The following KCTD12 variants were observed in gnomAD, a reference collection of about 807,000 sequenced individuals.
KCTD12 encodes BTB/POZ domain-containing protein KCTD12.
In KCTD12, 16 loss-of-function variants were observed where a neutral mutation model predicts 22.6. The ratio of observed to expected loss-of-function variants is 0.71; its 90% CI spans 0.48 to 1.07. The LOEUF (loss-of-function observed/expected upper bound fraction) is 1.07. Among genes scored for constraint, KCTD12 ranks in the 50% least tolerant of loss-of-function variants. The pLI, the probability that KCTD12 is intolerant of heterozygous loss-of-function variation, is 0.00. For synonymous variants in KCTD12, 260 were observed against 228.0 expected, an observed-to-expected ratio of 1.14 and a Z score of -1.26; for missense variants, 452 against 469.2, an observed-to-expected ratio of 0.96 and a Z score of 0.34.
chr13:76,884,925 G>C lies in KCTD12; in HGVS notation c.*246C>G, dbSNP rs1490424725. The C allele has an allele frequency of 4.0e-6, 2 of 501,868 alleles. No individual in the cohort carries two copies. The highest frequency in any genetic ancestry group is 7.1e-6 in the Non-Finnish European group (2 of 279,982). The allele number at this position is 501,868 out of a possible 1,614,324, so 31.1% of individuals were successfully genotyped here. A position where few individuals can be genotyped will look rare whatever the true frequency, so the allele number is the denominator to read the frequency against. ...AAAGCATGGAGTGGTAGGTGGGGGTGGGGTGGGGGTTCCTCTGGGTTCTCT... is the reference window on the plus strand; with the variant it reads ...AAAGCATGGAGTGGTAGGTGGGGGTCGGGTGGGGGTTCCTCTGGGTTCTCT... On this transcript the variant is annotated 3_prime_UTR_variant, in exon 1 of 1. Transcript: ENST00000377474.
chr13:76,883,268 A>G lies in KCTD12; in HGVS notation c.*1903T>C, dbSNP rs1190316463. 1 of 152,246 alleles carries G rather than the reference A, an allele frequency of 6.6e-6. No individual in the cohort carries two copies. Among genetic ancestry groups the G allele is most frequent in the South Asian group, 2.1e-4 (1 of 4,836 alleles). 9.4% of individuals were successfully genotyped at this position (152,246 alleles called of 1,614,324 possible). ...CATCTGTATGGACATAGTAAGATAC[A>G]GTACGAGATTCATTTTTAAAAACAA... On this transcript the variant is annotated 3_prime_UTR_variant, in exon 1 of 1. Coordinates refer to ENST00000377474, the MANE Select transcript of KCTD12 (RefSeq NM_138444.4).
chr13:76,881,858 C>A lies in KCTD12; in HGVS notation c.*3313G>T, dbSNP rs1373527539. 1 of 150,284 alleles carries A rather than the reference C, an allele frequency of 6.7e-6. No homozygotes were observed. Among genetic ancestry groups the A allele is most frequent in the Non-Finnish European group, 1.5e-5 (1 of 67,670 alleles). 9.3% of individuals were successfully genotyped at this position (150,284 alleles called of 1,614,324 possible). ...CCTGTTTTTTTTTTTTTTTTAACCACCATTGTCTACACCTTTTTAAAAATT... is the reference window on the plus strand; with the variant it reads ...CCTGTTTTTTTTTTTTTTTTAACCAACATTGTCTACACCTTTTTAAAAATT... On this transcript the variant is annotated 3_prime_UTR_variant, in exon 1 of 1. Coordinates refer to ENST00000377474, the MANE Select transcript of KCTD12 (RefSeq NM_138444.4).
At position 76,885,843 on chromosome 13, in the gene KCTD12, C is replaced by G; in HGVS notation, c.306G>C (p.Val102=). 6.3e-7 allele frequency: 1 copy of G among 1,596,480 alleles called. No homozygotes were observed. The highest frequency in any genetic ancestry group is 2.2e-5 in the East Asian group (1 of 44,694). The change falls in exon 1 of 1, where the codon GTG becomes GTC. Residue 102 remains valine, a synonymous_variant. Coordinates refer to ENST00000377474, the MANE Select transcript of KCTD12 (RefSeq NM_138444.4). This position sits in a 1 kb window ranked among gnomAD's most constrained non-coding sequence, Gnocchi z 5.1. ...TGCGCTCGGGGAAGTAGTCGGGCAG[C>G]ACGAGCTGCAAGTCCCGCAGGTAAT... ...ILDYLRDLQL[V]LPDYFPERSR... is the part of the protein sequence containing the mutation.
chr13:76,882,718 C>G lies in KCTD12; in HGVS notation c.*2453G>C. 1 of 151,972 alleles carries G rather than the reference C, an allele frequency of 6.6e-6. No individual in the cohort carries two copies. The highest frequency in any genetic ancestry group is 1.9e-4 in the East Asian group (1 of 5,188). The allele number at this position is 151,972 out of a possible 1,614,324, so 9.4% of individuals were successfully genotyped here. On this transcript the variant is annotated 3_prime_UTR_variant, in exon 1 of 1. Transcript: ENST00000377474. ...GTCCTAAATTATTTCAGGCTTCAAA[C>G]AGATGAATTCTGATGCATTACTTAG... is the stretch of plus-strand genomic sequence containing the variant.
Position 76,883,917 on chromosome 13 carries a change from T to G in KCTD12, c.*1254A>C, listed in dbSNP as rs1352159853. On this transcript the variant is annotated 3_prime_UTR_variant, in exon 1 of 1. Coordinates refer to ENST00000377474, the MANE Select transcript of KCTD12 (RefSeq NM_138444.4). ...AAACTAAAACCCTACTGGGTAACTC[T>G]TTGGTTAGATTATATATAAGCATTA... 6.6e-6 allele frequency: 1 copy of G among 152,648 alleles called. No individual in the cohort carries two copies. Among genetic ancestry groups the G allele is most frequent in the Non-Finnish European group, 1.5e-5 (1 of 68,036 alleles). The allele number at this position is 152,648 out of a possible 1,614,324, so 9.5% of individuals were successfully genotyped here.
At position 76,881,540 on chromosome 13, in the gene KCTD12, A is replaced by G. The variant is rs563124714; in HGVS notation, c.*3631T>C. On this transcript the variant is annotated 3_prime_UTR_variant, in exon 1 of 1. Coordinates refer to ENST00000377474, the MANE Select transcript of KCTD12 (RefSeq NM_138444.4). Reference sequence around the variant, plus strand: ...CAATTGCTCATTTTGTCTGATATTAACAGATTATGCATTTCCTCAGAGAAG... The same window carrying G: ...CAATTGCTCATTTTGTCTGATATTAGCAGATTATGCATTTCCTCAGAGAAG... 4.0e-4 allele frequency: 61 copies of G among 152,716 alleles called. No individual in the cohort carries two copies. Among genetic ancestry groups the G allele is most frequent in the African/African-American group, 1.4e-3 (59 of 41,560 alleles). The allele number at this position is 152,716 out of a possible 1,614,324, so 9.5% of individuals were successfully genotyped here.
chr13:76,880,460 A>AT lies in KCTD12; in HGVS notation c.*4710dup, dbSNP rs1257595126. 2 of 152,206 alleles carry AT rather than the reference A, an allele frequency of 1.3e-5. No individual in the cohort carries two copies. Among genetic ancestry groups the AT allele is most frequent in the South Asian group, 2.1e-4 (1 of 4,822 alleles). 9.4% of individuals were successfully genotyped at this position (152,206 alleles called of 1,614,324 possible). A position where few individuals can be genotyped will look rare whatever the true frequency, so the allele number is the denominator to read the frequency against. ...TAGAAAAATCTGATAATCTTATAAG[A>AT]TTTTTTCTGCTCTTCTTACATTTAG... On this transcript the variant is annotated 3_prime_UTR_variant, in exon 1 of 1. Transcript: ENST00000377474.
chr13:76,881,330 T>C lies in KCTD12; in HGVS notation c.*3841A>G, dbSNP rs900688937. ...TTCAACCCCTCCAGTCAATACTTTT[T>C]CTTAATGTCTGCATTGTAATTTAGC... On this transcript the variant is annotated 3_prime_UTR_variant, in exon 1 of 1. Coordinates refer to ENST00000377474, the MANE Select transcript of KCTD12 (RefSeq NM_138444.4). The C allele has an allele frequency of 6.6e-6, 1 of 152,594 alleles. No individual in the cohort carries two copies. The highest frequency in any genetic ancestry group is 1.9e-4 in the East Asian group (1 of 5,202). The allele number at this position is 152,594 out of a possible 1,614,324, so 9.5% of individuals were successfully genotyped here.
Position 76,885,715 on chromosome 13 carries a change from C to G in KCTD12, c.434G>C (p.Gly145Ala). Residue 145 changes from glycine to alanine, a missense_variant, in exon 1 of 1, where the codon GGG becomes GCG. Transcript: ENST00000377474. This position sits in a 1 kb window ranked among gnomAD's most constrained non-coding sequence, Gnocchi z 5.1. ...ACCCAGCGAGCCCTCCTTGTGCACC[C>G]CGCGCCGCGAGGGCGGCGGCCCCGG... ...PGPGPPPSRR[G>A]VHKEGSLGDE... is the part of the protein sequence containing the mutation. The G allele has an allele frequency of 2.8e-6, 4 of 1,407,530 alleles. No individual in the cohort carries two copies. Among genetic ancestry groups the G allele is most frequent in the Non-Finnish European group, 3.7e-6 (4 of 1,094,636 alleles). The allele number at this position is 1,407,530 out of a possible 1,614,324, so 87.2% of individuals were successfully genotyped here. A position where few individuals can be genotyped will look rare whatever the true frequency, so the allele number is the denominator to read the frequency against.
Position 76,884,828 on chromosome 13 carries a change from G to A in KCTD12, c.*343C>T, listed in dbSNP as rs748591718. The stretch of plus-strand genomic sequence containing the variant: ...ACAATTCAATCATCCCCCGGTCTGT[G>A]GCCACACTCCCCCAATAGATCCAAA... On this transcript the variant is annotated 3_prime_UTR_variant, in exon 1 of 1. Coordinates refer to ENST00000377474, the MANE Select transcript of KCTD12 (RefSeq NM_138444.4). 1 of 281,848 alleles carries A rather than the reference G, an allele frequency of 3.5e-6. No individual in the cohort carries two copies. The highest frequency in any genetic ancestry group is 6.8e-6 in the Non-Finnish European group (1 of 146,874). 17.5% of individuals were successfully genotyped at this position (281,848 alleles called of 1,614,324 possible). A position where few individuals can be genotyped will look rare whatever the true frequency, so the allele number is the denominator to read the frequency against.
Position 76,885,160 on chromosome 13 carries a change from G to T in KCTD12, c.*11C>A, listed in dbSNP as rs755372050. On this transcript the variant is annotated 3_prime_UTR_variant, in exon 1 of 1. Transcript: ENST00000377474. The surrounding 1 kb of genome is among the most constrained non-coding windows in gnomAD (Gnocchi z 5.1). ...GACTGGGCGCTGGAGTGGCGAGGGGGTCTGGGGAGCTCACTCCCTGCAGAA... is the reference window on the plus strand; with the variant it reads ...GACTGGGCGCTGGAGTGGCGAGGGGTTCTGGGGAGCTCACTCCCTGCAGAA... 4 of 1,609,062 alleles carry T rather than the reference G, an allele frequency of 2.5e-6. No individual in the cohort carries two copies. The African/African-American group carries it at 4.0e-5, about 16-fold the overall frequency.
At position 76,885,189 on chromosome 13, in the gene KCTD12, G is replaced by A. The variant is rs2033249523; in HGVS notation, c.960C>T (p.Tyr320=). 9 of 1,613,298 alleles carry A rather than the reference G, an allele frequency of 5.6e-6. No individual in the cohort carries two copies. The highest frequency in any genetic ancestry group is 6.8e-6 in the Non-Finnish European group (8 of 1,179,560). Residue 320 remains tyrosine (Y), a synonymous_variant, in exon 1 of 1, where the codon TAC becomes TAT. Coordinates refer to ENST00000377474, the MANE Select transcript of KCTD12 (RefSeq NM_138444.4). The surrounding 1 kb of genome is among the most constrained non-coding windows in gnomAD (Gnocchi z 5.1). ...EDKIWTSYTE[Y]VFCRE Reference sequence around the variant, plus strand: ...GGGGAGCTCACTCCCTGCAGAAGACGTACTCGGTGTAGCTGGTCCAGATCT... The same window carrying A: ...GGGGAGCTCACTCCCTGCAGAAGACATACTCGGTGTAGCTGGTCCAGATCT...
In KCTD12 at chr13:76,882,295, G is replaced by A. The variant is rs932785731; in HGVS notation, c.*2876C>T. 6.6e-6 allele frequency: 1 copy of A among 152,080 alleles called. No individual in the cohort carries two copies. 9.4% of individuals were successfully genotyped at this position (152,080 alleles called of 1,614,324 possible). Reference sequence around the variant, plus strand: ...TCTTGTATTGACTTTAACTTTAGAGGGGACAGTCGTCCCTGGAAAAAGAAG... The same window carrying A: ...TCTTGTATTGACTTTAACTTTAGAGAGGACAGTCGTCCCTGGAAAAAGAAG... On this transcript the variant is annotated 3_prime_UTR_variant, in exon 1 of 1. Coordinates refer to ENST00000377474, the MANE Select transcript of KCTD12 (RefSeq NM_138444.4).
At position 76,885,240 on chromosome 13, in the gene KCTD12, G is replaced by A; in HGVS notation, c.909C>T (p.Ala303=). The change falls in exon 1 of 1, where the codon GCC becomes GCT. Residue 303 remains alanine, a synonymous_variant. Transcript: ENST00000377474. The surrounding 1 kb of genome is among the most constrained non-coding windows in gnomAD (Gnocchi z 5.1). ...ACSSTGTCAF[A]SSTDQSEDKI... ...TGTCCTCGCTCTGGTCGGTGCTGCT[G>A]GCAAAGGCGCAGGTGCCCGTGGAGC... is the stretch of plus-strand genomic sequence containing the variant. 6.2e-7 allele frequency: 1 copy of A among 1,614,124 alleles called. No homozygotes were observed. The highest frequency in any genetic ancestry group is 1.1e-5 in the South Asian group (1 of 91,064).
In KCTD12 at chr13:76,885,538, C is replaced by A. The variant is rs1425132759; in HGVS notation, c.611G>T (p.Ser204Ile). 2 of 1,571,492 alleles carry A rather than the reference C, an allele frequency of 1.3e-6. No homozygotes were observed. The highest frequency in any genetic ancestry group is 3.6e-5 in the Admixed American group (2 of 55,202). The change falls in exon 1 of 1, where the codon AGC (serine) becomes ATC (isoleucine). Residue 204 changes from serine (S) to isoleucine (I), a missense_variant. This residue lies in a region of KCTD12 where 330 missense variants were observed against 296.5 expected (regional missense o/e 1.11). Coordinates refer to ENST00000377474, the MANE Select transcript of KCTD12 (RefSeq NM_138444.4). The surrounding 1 kb of genome is among the most constrained non-coding windows in gnomAD (Gnocchi z 5.1). ...GATGGTGATGTAGCCCGAGCGCCGG[C>A]TGCCGTCCAGCGACTGGGACGGCGT... ...LLTPSQSLDG[S>I]RRSGYITIGY... is the part of the protein sequence containing the mutation.
At position 76,883,743 on chromosome 13, in the gene KCTD12, G is replaced by T. The variant is rs1033955483; in HGVS notation, c.*1428C>A. Reference sequence around the variant, plus strand: ...TGAAAGTGGCATTTTCAGGTTTTCAGGTTTGCCCAGAAGTCAACGTTTGCT... The same window carrying T: ...TGAAAGTGGCATTTTCAGGTTTTCATGTTTGCCCAGAAGTCAACGTTTGCT... On this transcript the variant is annotated 3_prime_UTR_variant, in exon 1 of 1. Coordinates refer to ENST00000377474, the MANE Select transcript of KCTD12 (RefSeq NM_138444.4). The T allele has an allele frequency of 6.6e-6, 1 of 152,582 alleles. No individual in the cohort carries two copies. Among genetic ancestry groups the T allele is most frequent in the South Asian group, 2.1e-4 (1 of 4,826 alleles). The allele number at this position is 152,582 out of a possible 1,614,324, so 9.5% of individuals were successfully genotyped here.
At position 76,886,176 on chromosome 13, in the gene KCTD12, T is replaced by C; in HGVS notation, c.-28A>G. On this transcript the variant is annotated 5_prime_UTR_variant, in exon 1 of 1. Transcript: ENST00000377474. ...CAGAGAGGTGGCCGGGCCGGGACAGTGGCAGGAAGCCGCGCTGCACTCAGG... is the reference window on the plus strand; with the variant it reads ...CAGAGAGGTGGCCGGGCCGGGACAGCGGCAGGAAGCCGCGCTGCACTCAGG... 6.9e-7 allele frequency: 1 copy of C among 1,441,684 alleles called. No individual in the cohort carries two copies. Among genetic ancestry groups the C allele is most frequent in the Non-Finnish European group, 9.1e-7 (1 of 1,101,428 alleles). The allele number at this position is 1,441,684 out of a possible 1,614,324, so 89.3% of individuals were successfully genotyped here.
chr13:76,885,554 G>A lies in KCTD12; in HGVS notation c.595C>T (p.Gln199Ter). 6.4e-7 allele frequency: 1 copy of A among 1,557,366 alleles called. No homozygotes were observed. Among genetic ancestry groups the A allele is most frequent in the Non-Finnish European group, 8.6e-7 (1 of 1,156,194 alleles). ...GAAGPLLTPS[Q>*]SLDGSRRSGY... Reference sequence around the variant, plus strand: ...GAGCGCCGGCTGCCGTCCAGCGACTGGGACGGCGTGAGCAGCGGGCCCGCC... The same window carrying A: ...GAGCGCCGGCTGCCGTCCAGCGACTAGGACGGCGTGAGCAGCGGGCCCGCC... The change falls in exon 1 of 1, where the codon CAG becomes TAG. Residue 199 changes from glutamine (Q) to a stop codon, truncating the protein, a stop_gained. Transcript: ENST00000377474. LOFTEE classifies it high-confidence loss of function. This position sits in a 1 kb window ranked among gnomAD's most constrained non-coding sequence, Gnocchi z 5.1.
chr13:76,883,677 C>A lies in KCTD12; in HGVS notation c.*1494G>T, dbSNP rs1335915583. 1 of 152,574 alleles carries A rather than the reference C, an allele frequency of 6.6e-6. No individual in the cohort carries two copies. The allele number at this position is 152,574 out of a possible 1,614,324, so 9.5% of individuals were successfully genotyped here. A position where few individuals can be genotyped will look rare whatever the true frequency, so the allele number is the denominator to read the frequency against. On this transcript the variant is annotated 3_prime_UTR_variant, in exon 1 of 1. Coordinates refer to ENST00000377474, the MANE Select transcript of KCTD12 (RefSeq NM_138444.4). ...CCTTGGTGCTGAGTTCTCTGCAGCT[C>A]GTCATTTGAAAGGATTCCACTTAAC...
Sources: allele counts gnomAD v4.1 joint callset, GRCh38; gene constraint gnomAD v4.1.1; regional missense constraint gnomAD v4.1.1; non-coding constraint Gnocchi (gnomAD v3.1); transcripts MANE v1.5; gene names NCBI Gene and HGNC (gene_info 2026-07-23, HGNC 2026-07-21).